Variants in AK3 observed in about 807,000 individuals in gnomAD.
AK3 encodes the protein GTP:AMP phosphotransferase AK3, mitochondrial.
AK3 carries 27 observed loss-of-function variants against 23.7 expected under a neutral mutation model. That is an observed-to-expected ratio of 1.14 (90% CI 0.84 to 1.57). The LOEUF (loss-of-function observed/expected upper bound fraction) is 1.57, where lower values mean the gene tolerates loss of function less well. Among genes scored for constraint, AK3 ranks in the 40% most tolerant of loss-of-function variants. The pLI, the probability that AK3 is intolerant of heterozygous loss-of-function variation, is 0.00. For missense variants in AK3, 406 were observed against 285.6 expected (o/e 1.42, Z -3.04); for synonymous variants, 159 against 116.0 (o/e 1.37, Z -2.38).
At chr9:4,724,089 G>T (rs1841966196) in intron 1 of AK3, among the ~76,000 whole-genome samples, 2 of 152,198 alleles carry the variant, frequency 1.3e-5, no homozygotes, top group African/African-American at 4.8e-5. Context: ...GGGCTGTCAT[G>T]TGGCACGTGT....
chr9:4,718,670 A>C, intron 3 of AK3, 133 bp from the exon 4 acceptor site: 1 of 651,234 alleles, frequency 1.5e-6, no homozygotes, highest in Non-Finnish European at 2.6e-6. Context: ...TTTTAAAAAA[A>C]TGGAATCCAA....
At chr9:4,732,424 G>C (rs1042110616) in intron 1 of AK3, among the ~76,000 whole-genome samples, 1 of 152,142 alleles carries the variant, frequency 6.6e-6, no homozygotes, top group South Asian at 2.1e-4. Context: ...GTGGATTTTT[G>C]ACTACACTAG....
intron 1 of AK3, among the ~76,000 whole-genome samples, chr9:4,738,768 T>A (rs1587663252): frequency 1.5e-5 from 2 of 136,030 alleles, no homozygotes; most frequent in South Asian, 2.3e-4. Flanking sequence ...TTACTTTTTT[T>A]TTTTTTTTTT....
chr9:4,734,406 C>G (rs1445622165), intron 1 of AK3, among the ~76,000 whole-genome samples: 3 of 152,242 alleles, frequency 2.0e-5, no homozygotes, highest in Non-Finnish European at 4.4e-5. Flanking sequence ...CATGCCCACA[C>G]TCTGTGAGCA....
chr9:4,741,308 C>G (rs531514534), upstream of AK3: 15,663 of 418,368 alleles, frequency 0.037, 437 homozygotes, highest in Non-Finnish European at 0.044. Context: ...GGCGCACCCC[C>G]CGCCCCCGAC....
At chr9:4,733,046 A>C (rs185829859) in intron 1 of AK3, among the ~76,000 whole-genome samples, 7 of 151,796 alleles carry the variant, frequency 4.6e-5, no homozygotes, top group Admixed American at 4.6e-4. Context: ...TAGGGGTCTC[A>C]CTATGTTGCC....
rs1372006565 is a variant in AK3 at position 4,709,957 on chromosome 9, A to T, written c.*3019T>A. On this transcript the variant is annotated 3_prime_UTR_variant, in exon 5 of 5. Transcript: ENST00000381809. ...CAATGATTTGTTGTTAGTATAGGGC[A>T]GTTTTGTCACAAGTTATGAGGATCC... The T allele has an allele frequency of 1.3e-5, 2 of 152,208 alleles. No individual in the cohort carries two copies. The highest frequency in any genetic ancestry group is 2.9e-5 in the Non-Finnish European group (2 of 68,040). The allele number at this position is 152,208 out of a possible 1,614,324, so 9.4% of individuals were successfully genotyped here.
chr9:4,740,603 G>A (rs1256643671), intron 1 of AK3, among the ~76,000 whole-genome samples: 3 of 152,204 alleles, frequency 2.0e-5, no homozygotes, highest in Admixed American at 6.5e-5. Flanking sequence ...ACAAGCTGCG[G>A]CTCAGCTCGA....
intron 1 of AK3, 95 bp downstream of exon 1, chr9:4,740,842 G>T: frequency 7.6e-7 from 1 of 1,315,856 alleles, no homozygotes; most frequent in South Asian, 1.8e-5. Flanking sequence ...TGCCGCGCCC[G>T]CAGCCAGGGA....
chr9:4,722,592 T>G lies in AK3; in HGVS notation c.185A>C (p.Gln62Pro). ...GACATCATCTGGGATGAGTTTCCCT[T>G]GGTCAATGAAAGCCTTGGCTAACAC... ...IGVLAKAFIDQGKLIPDDVMT... is the reference protein window; with the variant it reads ...IGVLAKAFIDPGKLIPDDVMT... Residue 62 changes from glutamine (Q) to proline (P), a missense_variant, in exon 2 of 5, where the codon CAA (glutamine) becomes CCA (proline). Gln to Pro is a moderately conservative substitution (Grantham distance 76). Coordinates refer to ENST00000381809, the MANE Select transcript of AK3 (RefSeq NM_016282.4). The G allele has an allele frequency of 6.2e-7, 1 of 1,614,166 alleles. No individual in the cohort carries two copies.
At position 4,714,175 on chromosome 9, in the gene AK3, T is replaced by TACAC. The variant is rs1405796422; in HGVS notation, c.564-1080_564-1079insGTGT. Among the ~76,000 whole-genome samples the TACAC allele has an allele frequency of 1.9e-4, 7 of 35,932 alleles. 1 individual carries two copies. Among genetic ancestry groups the TACAC allele is most frequent in the African/African-American group, 6.5e-4 (7 of 10,808 alleles). The allele number at this position is 35,932 out of a possible 152,430, so 23.6% of individuals were successfully genotyped here. On this transcript the variant is annotated intron_variant, in intron 4 of 4. Coordinates refer to ENST00000381809, the MANE Select transcript of AK3 (RefSeq NM_016282.4). ...CTCCACATACACACACCTCCACACATACGCCTCCACATACACACACCTCCA... is the reference window on the plus strand; with the variant it reads ...CTCCACATACACACACCTCCACACATACACACGCCTCCACATACACACACCTCCA...
Position 4,712,866 on chromosome 9 carries a change from AT to A in AK3, c.*109del. On this transcript the variant is annotated 3_prime_UTR_variant, in exon 5 of 5. Coordinates refer to ENST00000381809, the MANE Select transcript of AK3 (RefSeq NM_016282.4). ...TAAAATCAGTAGAAATAAAAGTAAT[AT>A]AATTTTCAAAGAATTCATACATACT... 3.2e-6 allele frequency: 4 copies of A among 1,236,876 alleles called. No individual in the cohort carries two copies. The highest frequency in any genetic ancestry group is 4.4e-6 in the Non-Finnish European group (4 of 903,058). 76.6% of individuals were successfully genotyped at this position (1,236,876 alleles called of 1,614,324 possible).
chr9:4,736,038 G>A (rs982170342), intron 1 of AK3, among the ~76,000 whole-genome samples: 3 of 150,620 alleles, frequency 2.0e-5, no homozygotes, highest in Non-Finnish European at 3.0e-5. Flanking sequence ...GCACTTGAAC[G>A]TGGGAGGCGG....
chr9:4,720,182 G>C (rs1841857724), intron 2 of AK3, among the ~76,000 whole-genome samples: 1 of 152,138 alleles, frequency 6.6e-6, no homozygotes, highest in African/African-American at 2.4e-5. Context: ...AAAGAGATGT[G>C]TTATATAGCT....
chr9:4,730,518 G>A (rs1842128595), intron 1 of AK3, among the ~76,000 whole-genome samples: 2 of 152,178 alleles, frequency 1.3e-5, no homozygotes, highest in South Asian at 4.1e-4. Flanking sequence ...TGGGAGGATT[G>A]CTTGAGCCCA....
chr9:4,713,345 T>C (rs534666809), intron 4 of AK3, among the ~76,000 whole-genome samples: 36 of 152,336 alleles, frequency 2.4e-4, no homozygotes, highest in Admixed American at 9.1e-4. Flanking sequence ...ATTTTATTTA[T>C]TGAACATGCA....
intron 1 of AK3, among the ~76,000 whole-genome samples, chr9:4,724,984 T>C (rs1044655529): frequency 1.3e-5 from 2 of 151,002 alleles, no homozygotes; most frequent in African/African-American, 4.9e-5. Flanking sequence ...TCAATATAGG[T>C]CATAAACCTA....
At chr9:4,715,908 C>A (rs1841713820) in intron 4 of AK3, among the ~76,000 whole-genome samples, 1 of 152,182 alleles carries the variant, frequency 6.6e-6, no homozygotes, top group Non-Finnish European at 1.5e-5. Flanking sequence ...TCCCCATCTT[C>A]AAGGATGGAC....
intron 1 of AK3, among the ~76,000 whole-genome samples, chr9:4,729,280 G>A (rs569736059): frequency 4.6e-5 from 7 of 152,154 alleles, no homozygotes; most frequent in Non-Finnish European, 8.8e-5. Flanking sequence ...AAAGTGCTGT[G>A]ATTACAGGCA....
Sources: allele counts gnomAD v4.1 joint callset (sites outside exome capture counted in the v4.1 genomes callset), GRCh38; gene constraint gnomAD v4.1.1; transcripts MANE v1.5; gene names NCBI Gene and HGNC (gene_info 2026-07-23, HGNC 2026-07-21).